ABCC6: variants seen among roughly 807,000 people sequenced by gnomAD.
The protein encoded by ABCC6 is ATP binding cassette subfamily C member 6.
In ABCC6, 126 loss-of-function variants were observed where a neutral mutation model predicts 169.5. That is an observed-to-expected ratio of 0.74 (90% CI 0.64 to 0.86). The LOEUF (loss-of-function observed/expected upper bound fraction) is 0.86, where lower values mean the gene tolerates loss of function less well. Ranked by LOEUF, ABCC6 falls within the 40% of genes least tolerant of loss-of-function variation. ABCC6 has a pLI of 0.00. For synonymous variants in ABCC6, 752 were observed against 814.7 expected, an observed-to-expected ratio of 0.92 and a Z score of 1.31; for missense variants, 1,733 against 1,927.2, an observed-to-expected ratio of 0.90 and a Z score of 1.89.
Position 16,185,613 on chromosome 16 carries a change from G to A in ABCC6, c.1868-579C>T, listed in dbSNP as rs113817322. ...AGCCTGGCCAACATGGCAAAACCCT[G>A]CCTCTACCAAAAAATACAAAAATTA... is the stretch of plus-strand genomic sequence containing the variant. On this transcript the variant is annotated intron_variant, in intron 14 of 30. Transcript: ENST00000205557. Among the ~76,000 whole-genome samples, 802 of 152,204 alleles carry A rather than the reference G, an allele frequency of 5.3e-3. 14 individuals are homozygous for A. Among genetic ancestry groups the A allele is most frequent in the African/African-American group, 0.018 (755 of 41,548 alleles).
At chr16:16,201,236 G>T (rs1230882970) in intron 9 of ABCC6, among the ~76,000 whole-genome samples, 5 of 152,172 alleles carry the variant, frequency 3.3e-5, no homozygotes, top group Admixed American at 3.3e-4. Context: ...CAAATTGCTG[G>T]AATTACAGGC....
chr16:16,192,988 C>T, intron 10 of ABCC6, 66 bp from the exon 11 acceptor site: 1 of 1,342,676 alleles, frequency 7.4e-7, no homozygotes, highest in South Asian at 1.2e-5. Context: ...GCACGTGAAC[C>T]AGAGCAACTC....
intron 7 of ABCC6, among the ~76,000 whole-genome samples, chr16:16,206,858 C>G (rs1162870935): frequency 6.6e-6 from 1 of 152,098 alleles, no homozygotes; most frequent in Non-Finnish European, 1.5e-5. Flanking sequence ...GAGGGTGAGT[C>G]AGGTGCAGTA....
intron 15 of ABCC6, among the ~76,000 whole-genome samples, chr16:16,183,783 A>C (rs1338077457): frequency 6.6e-6 from 1 of 152,130 alleles, no homozygotes; most frequent in Non-Finnish European, 1.5e-5. Context: ...CCCACAATGC[A>C]CACGACAGCC....
At chr16:16,188,512 G>A (rs1276940263) in intron 13 of ABCC6, among the ~76,000 whole-genome samples, 4 of 152,168 alleles carry the variant, frequency 2.6e-5, no homozygotes, top group African/African-American at 7.2e-5. Context: ...AAACAAAATC[G>A]CTTTGTATAA....
At chr16:16,156,498 G>A (rs2046556913) in intron 27 of ABCC6, among the ~76,000 whole-genome samples, 1 of 152,222 alleles carries the variant, frequency 6.6e-6, no homozygotes, top group Non-Finnish European at 1.5e-5. Context: ...CTAAGCCCTG[G>A]CAGAGCAATG....
chr16:16,220,029 G>A, intron 2 of ABCC6, 82 bp from the exon 3 acceptor site: 1 of 1,523,528 alleles, frequency 6.6e-7, no homozygotes, highest in South Asian at 1.2e-5. Flanking sequence ...GTCCAACTGG[G>A]AGCTGGTTCT....
intron 20 of ABCC6, 143 bp downstream of exon 20, chr16:16,175,768 G>A: frequency 1.2e-6 from 1 of 837,148 alleles, no homozygotes; most frequent in East Asian, 3.0e-5. Context: ...TCCCTCAGCA[G>A]GGCACCATGG....
At position 16,171,096 on chromosome 16, in the gene ABCC6, G is replaced by T. The variant is rs146546789; in HGVS notation, c.2788-1243C>A. On this transcript the variant is annotated intron_variant, in intron 21 of 30. Coordinates refer to ENST00000205557, the MANE Select transcript of ABCC6 (RefSeq NM_001171.6). ...ACCTGCTGCTCTCTCTGCCTGGAGCGCTCTTTCTCCTGCCCTTTGTATGAC... is the reference window on the plus strand; with the variant it reads ...ACCTGCTGCTCTCTCTGCCTGGAGCTCTCTTTCTCCTGCCCTTTGTATGAC... Among the ~76,000 whole-genome samples the T allele has an allele frequency of 3.3e-4, 50 of 152,006 alleles. 1 individual carries two copies. Among genetic ancestry groups the T allele is most frequent in the African/African-American group, 1.2e-3 (48 of 41,462 alleles).
At chr16:16,208,609 T>A in intron 7 of ABCC6, 119 bp downstream of exon 7, 40 of 1,530,662 alleles carry the variant, frequency 2.6e-5, no homozygotes, top group Non-Finnish European at 3.6e-5. Flanking sequence ...CCTGACCTTG[T>A]GATCCGCCTG....
At chr16:16,173,098 C>T (rs2047165691) in intron 21 of ABCC6, 186 bp downstream of exon 21, 3 of 689,534 alleles carry the variant, frequency 4.4e-6, no homozygotes, top group South Asian at 1.9e-5. Flanking sequence ...CTGAAATAGA[C>T]CTATCATATC....
In ABCC6 at chr16:16,161,446, C is replaced by G. The variant is rs750630523; in HGVS notation, c.3625G>C (p.Ala1209Pro). 2 of 1,613,840 alleles carry G rather than the reference C, an allele frequency of 1.2e-6. No homozygotes were observed. Among genetic ancestry groups the G allele is most frequent in the South Asian group, 2.2e-5 (2 of 91,078 alleles). Residue 1209 changes from alanine (A) to proline (P), a missense_variant, in exon 25 of 31, where the codon GCC (alanine) becomes CCC (proline). This residue lies in a region of ABCC6 where 1,601 missense variants were observed against 1,635.5 expected (regional missense o/e 0.98). Transcript: ENST00000205557. ...GGGGATGTGGGGAGTACCTGGAGGG[C>G]AGCAGAGACAGAGAAGCCCACGAGG... ...AGLVGFSVSA[A>P]LQVTQTLQWV... is the part of the protein sequence containing the mutation.
chr16:16,166,381 G>A (rs2046874102), intron 22 of ABCC6, among the ~76,000 whole-genome samples: 2 of 152,056 alleles, frequency 1.3e-5, no homozygotes, highest in South Asian at 2.1e-4. Flanking sequence ...GGGTTGAAGA[G>A]TGTCCCCCAA....
At position 16,150,294 on chromosome 16, in the gene ABCC6, G is replaced by C. The variant is rs538678896; in HGVS notation, c.4404-53C>G. 1.1e-5 allele frequency: 17 copies of C among 1,610,810 alleles called. No individual in the cohort carries two copies. The African/African-American group carries it at 1.5e-4, about 14-fold the overall frequency. On this transcript the variant is annotated intron_variant, in intron 30 of 30. Coordinates refer to ENST00000205557, the MANE Select transcript of ABCC6 (RefSeq NM_001171.6). ...TCTTTGGACACCAGCCCAGGCTCTC[G>C]GCAGCTGTGAGAGCCCAGTGTGTCT... is the stretch of plus-strand genomic sequence containing the variant.
At chr16:16,204,096 G>T (rs1003581180) in intron 7 of ABCC6, among the ~76,000 whole-genome samples, 1 of 148,726 alleles carries the variant, frequency 6.7e-6, no homozygotes, top group Admixed American at 6.8e-5. Flanking sequence ...TTGCTCTGTC[G>T]CCCAGGCTGG....
At chr16:16,151,077 T>C (rs1424157526) in intron 29 of ABCC6, among the ~76,000 whole-genome samples, 1 of 152,162 alleles carries the variant, frequency 6.6e-6, no homozygotes, top group Non-Finnish European at 1.5e-5. Flanking sequence ...TTTTCTTTTT[T>C]TTTTTGAGAC....
intron 10 of ABCC6, among the ~76,000 whole-genome samples, chr16:16,196,184 T>A (rs1326217201): frequency 7.5e-6 from 1 of 132,468 alleles, no homozygotes; most frequent in African/African-American, 3.0e-5. Context: ...CACCAAAGCC[T>A]GGGCAACACA....
chr16:16,176,034 C>T, intron 19 of ABCC6, 48 bp from the exon 20 acceptor site: 1 of 1,570,468 alleles, frequency 6.4e-7, no homozygotes, highest in Non-Finnish European at 8.8e-7. Flanking sequence ...CAGATACCCA[C>T]TTTGACACCC....
chr16:16,189,803 T>TCACG (rs759171924), intron 12 of ABCC6, among the ~76,000 whole-genome samples: 14 of 152,106 alleles, frequency 9.2e-5, no homozygotes, highest in Non-Finnish European at 1.8e-4. Context: ...AGGACAAGGA[T>TCACG]CACGTCCAGT....
Sources: gnomAD v4.1 joint callset for allele counts (sites outside exome capture counted in the v4.1 genomes callset) on GRCh38, gnomAD v4.1.1 for gene constraint, gnomAD v4.1.1 regional missense constraint, MANE v1.5 for transcripts, NCBI Gene and HGNC (gene_info 2026-07-23, HGNC 2026-07-21) for gene names.